Variants in SCAPER observed in about 807,000 individuals in gnomAD.
SCAPER encodes the protein S phase cyclin A-associated protein in the endoplasmic reticulum.
In SCAPER, 98 loss-of-function variants were observed where a neutral mutation model predicts 182.2. That is an observed-to-expected ratio of 0.54 (90% CI 0.46 to 0.64). The LOEUF (loss-of-function observed/expected upper bound fraction) is 0.64, where lower values mean the gene tolerates loss of function less well. Ranked by LOEUF, SCAPER falls within the 30% of genes least tolerant of loss-of-function variation. SCAPER has a pLI of 0.00. For synonymous variants in SCAPER, 605 were observed against 564.6 expected, an observed-to-expected ratio of 1.07 and a Z score of -1.01; for missense variants, 1,432 against 1,690.0, an observed-to-expected ratio of 0.85 and a Z score of 2.68.
chr15:76,464,613 A>G (rs2049453980), intron 25 of SCAPER, among the ~76,000 whole-genome samples: 2 of 152,108 alleles, frequency 1.3e-5, no homozygotes, highest in African/African-American at 4.8e-5. Context: ...TTTAAGAGTC[A>G]ATTGTATATG....
intron 15 of SCAPER, among the ~76,000 whole-genome samples, chr15:76,750,399 T>C (rs560985917): frequency 3.9e-5 from 6 of 152,016 alleles, no homozygotes; most frequent in African/African-American, 9.6e-5. Context: ...CTCCAAACAA[T>C]TGAAGAGGAG....
intron 23 of SCAPER, among the ~76,000 whole-genome samples, chr15:76,523,838 A>C (rs928885151): frequency 1.3e-5 from 2 of 152,096 alleles, no homozygotes; most frequent in Non-Finnish European, 2.9e-5. Context: ...TCAGTAAAAA[A>C]TGTGCATAAA....
chr15:76,868,143 C>G (rs1170303194), intron 2 of SCAPER, among the ~76,000 whole-genome samples: 2 of 152,132 alleles, frequency 1.3e-5, no homozygotes, highest in Non-Finnish European at 2.9e-5. Flanking sequence ...CTGTTGGTTC[C>G]CCTTCCAGTT....
At chr15:76,581,321 A>G (rs1350536414) in intron 22 of SCAPER, among the ~76,000 whole-genome samples, 1 of 152,236 alleles carries the variant, frequency 6.6e-6, no homozygotes, top group African/African-American at 2.4e-5. Context: ...CTAGGAGGTT[A>G]GTATTATCCT....
In SCAPER at chr15:76,891,680, G is replaced by T. The variant is rs1447182236; in HGVS notation, c.-59-7804C>A. 2.6e-5 allele frequency among the ~76,000 whole-genome samples: 4 copies of T among 152,270 alleles called. No homozygotes were observed. In the East Asian group the frequency reaches 7.7e-4, roughly 29 times the overall value. The stretch of plus-strand genomic sequence containing the variant: ...AAATAAAAGAGGACACAAACAAATG[G>T]AAGAATATTCCATGCTCATGGATAG... On this transcript the variant is annotated intron_variant, in intron 1 of 31. Transcript: ENST00000563290.
At chr15:76,516,758 T>C (rs1043276672) in intron 23 of SCAPER, among the ~76,000 whole-genome samples, 27 of 152,218 alleles carry the variant, frequency 1.8e-4, no homozygotes, top group African/African-American at 6.5e-4. Flanking sequence ...GACCCAGAAC[T>C]TTCTATATCC....
chr15:76,807,132 T>TC (rs2066220414), intron 5 of SCAPER, among the ~76,000 whole-genome samples: 1 of 152,258 alleles, frequency 6.6e-6, no homozygotes, highest in Non-Finnish European at 1.5e-5. Context: ...ACTCTCTTGT[T>TC]CCTGATCTTA....
intron 9 of SCAPER, among the ~76,000 whole-genome samples, chr15:76,773,136 T>C (rs549275543): frequency 6.6e-6 from 1 of 152,050 alleles, no homozygotes; most frequent in South Asian, 2.1e-4. Context: ...ATTACTTATG[T>C]GTACACTACT....
intron 23 of SCAPER, among the ~76,000 whole-genome samples, chr15:76,538,135 A>G (rs1219562220): frequency 1.0e-4 from 15 of 146,846 alleles, no homozygotes; most frequent in Non-Finnish European, 4.5e-5. Flanking sequence ...AAACTAGTTC[A>G]ACCATTGTGG....
chr15:76,541,921 T>C (rs1181769687), intron 23 of SCAPER, among the ~76,000 whole-genome samples: 2 of 152,224 alleles, frequency 1.3e-5, no homozygotes, highest in African/African-American at 4.8e-5. Flanking sequence ...AATAAATTGA[T>C]TTGAAAACAA....
intron 20 of SCAPER, among the ~76,000 whole-genome samples, chr15:76,671,373 A>T (rs2057002773): frequency 6.6e-6 from 1 of 152,120 alleles, no homozygotes; most frequent in Admixed American, 6.5e-5. Context: ...CAGAATTTTG[A>T]ACTCTCTGAA....
chr15:76,460,326 T>C (rs2049069215), intron 25 of SCAPER, among the ~76,000 whole-genome samples: 1 of 152,164 alleles, frequency 6.6e-6, no homozygotes, highest in African/African-American at 2.4e-5. Context: ...ATAGCTATTA[T>C]AGAAGGGATT....
chr15:76,602,553 T>C (rs973016377), intron 22 of SCAPER, among the ~76,000 whole-genome samples: 3 of 120,792 alleles, frequency 2.5e-5, no homozygotes, highest in African/African-American at 7.6e-5. Context: ...GGGGGAAGCA[T>C]TTATCTTGCT....
At chr15:76,514,230 C>T (rs1464111975) in intron 23 of SCAPER, among the ~76,000 whole-genome samples, 1 of 152,112 alleles carries the variant, frequency 6.6e-6, no homozygotes, top group East Asian at 1.9e-4. Flanking sequence ...GAAAAACATA[C>T]CTTTAAAGAT....
chr15:76,702,819 A>G (rs1044612924), intron 19 of SCAPER, 31 bp downstream of exon 19: 1 of 1,576,264 alleles, frequency 6.3e-7, no homozygotes, highest in Non-Finnish European at 8.6e-7. Flanking sequence ...GTAGTAAACT[A>G]TATCATTACA....
rs77201249 is a variant in SCAPER at position 76,866,305 on chromosome 15, T to C, written c.7-3772A>G. 8.1e-3 allele frequency among the ~76,000 whole-genome samples: 1,232 copies of C among 152,104 alleles called. 13 individuals are homozygous for C. Among genetic ancestry groups the C allele is most frequent in the African/African-American group, 0.028 (1,169 of 41,514 alleles). On this transcript the variant is annotated intron_variant, in intron 2 of 31. Coordinates refer to ENST00000563290, the MANE Select transcript of SCAPER (RefSeq NM_020843.4). ...GTCAGAAAATTCACTATGCCATACA[T>C]TACATTCTAAGTCAAGAGTCTTCAC...
At chr15:76,579,999 T>C (rs1255051315) in intron 22 of SCAPER, among the ~76,000 whole-genome samples, 1 of 152,150 alleles carries the variant, frequency 6.6e-6, no homozygotes, top group Admixed American at 6.5e-5. Context: ...ATGCACCAAA[T>C]ATTGGAGCAC....
intron 8 of SCAPER, among the ~76,000 whole-genome samples, chr15:76,781,265 G>A (rs982505605): frequency 6.6e-6 from 1 of 152,254 alleles, no homozygotes; most frequent in South Asian, 2.1e-4. Flanking sequence ...TAGCGGATTC[G>A]ATCAAGTGGA....
Position 76,746,489 on chromosome 15 carries a change from C to A in SCAPER, c.1866+7319G>T, listed in dbSNP as rs545965311. 2.6e-5 allele frequency among the ~76,000 whole-genome samples: 4 copies of A among 152,360 alleles called. No homozygotes were observed. In the East Asian group the frequency reaches 7.7e-4, roughly 29 times the overall value. The stretch of plus-strand genomic sequence containing the variant: ...AACAAATGGATGTCTACTCTCACTA[C>A]TTCTATTCAACAATATACTATAGGT... On this transcript the variant is annotated intron_variant, in intron 15 of 31. Transcript: ENST00000563290.
Sources: allele counts gnomAD v4.1 joint callset (sites outside exome capture counted in the v4.1 genomes callset), GRCh38; gene constraint gnomAD v4.1.1; transcripts MANE v1.5; gene names NCBI Gene and HGNC (gene_info 2026-07-23, HGNC 2026-07-21).